The following MTARC2 variants were observed in gnomAD, a reference collection of about 807,000 sequenced individuals.
The protein encoded by MTARC2 is mitochondrial amidoxime reducing component 2, also known as MOCO sulphurase C-terminal domain containing 2.
In MTARC2, 27 loss-of-function variants were observed where a neutral mutation model predicts 35.6. That is an observed-to-expected ratio of 0.76 (90% confidence interval 0.56 to 1.04). The LOEUF (loss-of-function observed/expected upper bound fraction) is 1.04, where lower values mean the gene tolerates loss of function less well. Among genes scored for constraint, MTARC2 ranks in the 50% least tolerant of loss-of-function variants. The pLI is 0.00. For missense variants in MTARC2, 412 were observed against 432.5 expected (o/e 0.95, Z 0.42); for synonymous variants, 158 against 167.1 (o/e 0.95, Z 0.42).
chr1:220,778,306 C>T (rs1432381629), intron 4 of MTARC2, among the ~76,000 whole-genome samples: 1 of 151,210 alleles, frequency 6.6e-6, no homozygotes, highest in Non-Finnish European at 1.5e-5. Flanking sequence ...GTTCTGCAGT[C>T]TGTACAGGAT....
chr1:220,772,679 G>A (rs1195025321), intron 4 of MTARC2, among the ~76,000 whole-genome samples: 1 of 149,036 alleles, frequency 6.7e-6, no homozygotes, highest in African/African-American at 2.5e-5. Flanking sequence ...GGCACTCTGG[G>A]CAGGGTGTGT....
chr1:220,755,597 C>T (rs1297984998), intron 2 of MTARC2, among the ~76,000 whole-genome samples: 1 of 152,100 alleles, frequency 6.6e-6, no homozygotes, highest in Non-Finnish European at 1.5e-5. Flanking sequence ...CACAGGTTGT[C>T]TGGTACTTGG....
chr1:220,753,911 G>A (rs755076210), intron 1 of MTARC2, among the ~76,000 whole-genome samples: 35 of 152,160 alleles, frequency 2.3e-4, no homozygotes, highest in South Asian at 2.1e-4. Flanking sequence ...TTAGCTGGGC[G>A]TGGTGGTACA....
chr1:220,761,107 C>G (rs1034668976), intron 2 of MTARC2, among the ~76,000 whole-genome samples: 1 of 152,120 alleles, frequency 6.6e-6, no homozygotes, highest in Non-Finnish European at 1.5e-5. Context: ...CCTTGAGGGC[C>G]GCTGTGTTAT....
chr1:220,760,447 A>G (rs1671409325), intron 2 of MTARC2, among the ~76,000 whole-genome samples: 3 of 152,226 alleles, frequency 2.0e-5, no homozygotes, highest in African/African-American at 4.8e-5. Flanking sequence ...TCCCATTTCT[A>G]TCTATTTGTT....
At chr1:220,771,074 G>A (rs1383762795) in intron 4 of MTARC2, among the ~76,000 whole-genome samples, 1 of 152,112 alleles carries the variant, frequency 6.6e-6, no homozygotes, top group Admixed American at 6.5e-5. Context: ...CGAGCCAGTC[G>A]GATCACCTGA....
At chr1:220,774,014 TC>T (rs1454934631) in intron 4 of MTARC2, among the ~76,000 whole-genome samples, 1 of 151,818 alleles carries the variant, frequency 6.6e-6, no homozygotes, top group East Asian at 1.9e-4. Context: ...TGTGTTTTTT[TC>T]ACTCAGCAAC....
intron 2 of MTARC2, 95 bp from the exon 3 acceptor site, chr1:220,761,563 G>A: frequency 7.9e-7 from 1 of 1,259,970 alleles, no homozygotes; most frequent in East Asian, 2.5e-5. Flanking sequence ...CTCTGGGATG[G>A]TCAGGTCCCA....
chr1:220,780,879 A>G (rs773404229), intron 6 of MTARC2, among the ~76,000 whole-genome samples: 8 of 152,220 alleles, frequency 5.3e-5, no homozygotes, highest in Non-Finnish European at 8.8e-5. Context: ...TTGCAACTCA[A>G]ATTCCTTTAT....
intron 7 of MTARC2, 53 bp from the exon 8 acceptor site, chr1:220,783,866 A>G: frequency 1.4e-6 from 1 of 717,060 alleles, no homozygotes; most frequent in Non-Finnish European, 2.6e-6. Context: ...TGAATTATTT[A>G]TGAACAGTAG....
At chr1:220,751,889 G>C (rs114783097) in intron 1 of MTARC2, among the ~76,000 whole-genome samples, 1,649 of 152,326 alleles carry the variant, frequency 0.011, 20 homozygotes, top group Middle Eastern at 0.031. Flanking sequence ...AATAGAACTA[G>C]TTATTCATTC....
chr1:220,771,157 G>A (rs534742077), intron 4 of MTARC2, among the ~76,000 whole-genome samples: 2 of 152,258 alleles, frequency 1.3e-5, no homozygotes, highest in Non-Finnish European at 2.9e-5. Context: ...AAATTAGCTA[G>A]GCATGGTGGT....
At chr1:220,779,342 C>T (rs1365281526) in intron 4 of MTARC2, among the ~76,000 whole-genome samples, 2 of 152,156 alleles carry the variant, frequency 1.3e-5, no homozygotes, top group Non-Finnish European at 2.9e-5. Context: ...ATTTCAAACC[C>T]AGCTGCTTTA....
rs77971662 is a variant in MTARC2, at chr1:220,771,452, T to G, written c.750+8402T>G. 5.5e-3 allele frequency among the ~76,000 whole-genome samples: 838 copies of G among 152,258 alleles called. 25 individuals carry two copies. The highest frequency in any genetic ancestry group is 0.044 in the Admixed American group (673 of 15,294). ...TGTCTCATGCGATTCCGTAGGAGCA[T>G]ACACCAGATATTGTGTAATGTGAGG... is the stretch of plus-strand genomic sequence containing the variant. On this transcript the variant is annotated intron_variant, in intron 4 of 7. Coordinates refer to ENST00000366913, the MANE Select transcript of MTARC2 (RefSeq NM_017898.5).
chr1:220,777,792 A>T (rs1358738954), intron 4 of MTARC2, among the ~76,000 whole-genome samples: 1 of 152,074 alleles, frequency 6.6e-6, no homozygotes, highest in Non-Finnish European at 1.5e-5. Flanking sequence ...CTCTACATAC[A>T]TCCCCTCCCG....
chr1:220,778,697 G>A (rs78255606), intron 4 of MTARC2, among the ~76,000 whole-genome samples: 2,465 of 152,266 alleles, frequency 0.016, 41 homozygotes, highest in East Asian at 0.056. Flanking sequence ...GCTCCAGCAT[G>A]TTGACTTTTT....
At chr1:220,761,588 C>A in intron 2 of MTARC2, 70 bp from the exon 3 acceptor site, 1 of 1,465,792 alleles carries the variant, frequency 6.8e-7, no homozygotes, top group South Asian at 1.4e-5. Context: ...TCCAGCTGTT[C>A]ATTTTTGACA....
chr1:220,774,448 T>C (rs76270379), intron 4 of MTARC2, among the ~76,000 whole-genome samples: 3,618 of 152,306 alleles, frequency 0.024, 110 homozygotes, highest in African/African-American at 0.064. Flanking sequence ...CTTATTTACA[T>C]ATTCCCTCGA....
chr1:220,766,824 T>C (rs1273935488), intron 4 of MTARC2, among the ~76,000 whole-genome samples: 2 of 140,198 alleles, frequency 1.4e-5, no homozygotes, highest in Non-Finnish European at 3.1e-5. Context: ...CTTCTTCTTC[T>C]TTTTTTTTTT....
Sources: allele counts gnomAD v4.1 joint callset (sites outside exome capture counted in the v4.1 genomes callset), GRCh38; gene constraint gnomAD v4.1.1; transcripts MANE v1.5; gene names NCBI Gene and HGNC (gene_info 2026-07-23, HGNC 2026-07-21).